WDR73: variants seen among roughly 807,000 people sequenced by gnomAD.
WDR73 encodes the protein WD repeat domain 73.
A neutral mutation model predicts 38.2 loss-of-function variants in WDR73; 30 were observed. The ratio of observed to expected loss-of-function variants is 0.79; its 90% CI spans 0.59 to 1.06. The LOEUF is 1.06. Among genes scored for constraint, WDR73 ranks in the 50% least tolerant of loss-of-function variants. The probability of loss-of-function intolerance (pLI) is 0.00; values close to 1 mark genes in which losing one functional copy is unlikely to be tolerated. For synonymous variants in WDR73, 197 were observed against 176.0 expected, an observed-to-expected ratio of 1.12 and a Z score of -0.94; for missense variants, 487 against 467.0, an observed-to-expected ratio of 1.04 and a Z score of -0.40.
intron 2 of WDR73, chr15:84,653,427 C>T (rs1896685334): frequency 2.1e-6 from 1 of 481,430 alleles, no homozygotes; most frequent in Admixed American, 3.3e-5. Context: ...GCCTCGGCCT[C>T]CCAAAGTGCT....
At position 84,652,697 on chromosome 15, in the gene WDR73, T is replaced by A; in HGVS notation, c.198+17A>T. The A allele has an allele frequency of 7.2e-7, 1 of 1,386,172 alleles. No homozygotes were observed. The allele number at this position is 1,386,172 out of a possible 1,614,324, so 85.9% of individuals were successfully genotyped here. A position where few individuals can be genotyped will look rare whatever the true frequency, so the allele number is the denominator to read the frequency against. On this transcript the variant is annotated intron_variant, in intron 3 of 7. Coordinates refer to ENST00000434634, the MANE Select transcript of WDR73 (RefSeq NM_032856.5). ...TAAATAAAAGTTGACATACTCAGCA[T>A]TTATATTTTAAGTTACCTTGTTTTC...
intron 7 of WDR73, chr15:84,643,947 G>A: frequency 2.2e-6 from 1 of 454,842 alleles, no homozygotes; most frequent in Non-Finnish European, 3.8e-6. Context: ...ACCAAAACAG[G>A]CTATTGGATG....
chr15:84,650,408 C>G lies in WDR73; in HGVS notation c.199-1783G>C, dbSNP rs113938263. 9.7e-3 allele frequency among the ~76,000 whole-genome samples: 1,475 copies of G among 151,946 alleles called. 29 individuals are homozygous for G. Among genetic ancestry groups the G allele is most frequent in the African/African-American group, 0.034 (1,414 of 41,406 alleles). On this transcript the variant is annotated intron_variant, in intron 3 of 7. Transcript: ENST00000434634. Reference sequence around the variant, plus strand: ...ACGGAGTCTCACTCTGTCACCCAGGCTGGATGCAGTGGCTTGATGTTGGCT... The same window carrying G: ...ACGGAGTCTCACTCTGTCACCCAGGGTGGATGCAGTGGCTTGATGTTGGCT...
At position 84,643,204 on chromosome 15, in the gene WDR73, C is replaced by T; in HGVS notation, c.*266G>A. The T allele has an allele frequency of 2.1e-6, 1 of 483,062 alleles. No homozygotes were observed. The highest frequency in any genetic ancestry group is 2.8e-5 in the South Asian group (1 of 36,278). 29.9% of individuals were successfully genotyped at this position (483,062 alleles called of 1,614,324 possible). A position where few individuals can be genotyped will look rare whatever the true frequency, so the allele number is the denominator to read the frequency against. On this transcript the variant is annotated 3_prime_UTR_variant, in exon 8 of 8. Transcript: ENST00000434634. The stretch of plus-strand genomic sequence containing the variant: ...ATAGTGTGAAGACAGGGACAAAACG[C>T]TACCATTTCACACTCCCAGATCTAA...
chr15:84,645,881 G>C (rs1203927335), intron 6 of WDR73, 45 bp from the exon 7 acceptor site: 1 of 1,611,302 alleles, frequency 6.2e-7, no homozygotes, highest in Non-Finnish European at 8.5e-7. Context: ...GAGGCAGATG[G>C]GTCTGGCAAT....
At chr15:84,648,515 T>C in intron 4 of WDR73, 22 bp downstream of exon 4, 1 of 1,590,632 alleles carries the variant, frequency 6.3e-7, no homozygotes, top group Non-Finnish European at 8.6e-7. Context: ...TGTGGATGGC[T>C]GGATCACAAA....
At chr15:84,653,575 T>G (rs1896690780) in intron 2 of WDR73, 57 bp downstream of exon 2, 2 of 1,444,976 alleles carry the variant, frequency 1.4e-6, no homozygotes, top group Admixed American at 3.9e-5. Context: ...GCTTAGCTCC[T>G]GAAACCCAGC....
rs1469545884 is a variant in WDR73, at chr15:84,642,833, TCAAG to T, written c.*633_*636del. The T allele has an allele frequency of 6.6e-6, 1 of 152,038 alleles. No individual in the cohort carries two copies. Among genetic ancestry groups the T allele is most frequent in the Non-Finnish European group, 1.5e-5 (1 of 68,198 alleles). 9.4% of individuals were successfully genotyped at this position (152,038 alleles called of 1,614,324 possible). ...CCAGGCTGGTCTCAAACTCCTCAGC[TCAAG>T]CAATCTGCCCACCTCAGCCTCTGAA... On this transcript the variant is annotated 3_prime_UTR_variant, in exon 8 of 8. Transcript: ENST00000434634.
At chr15:84,646,078 C>G (rs1162229867) in intron 6 of WDR73, 106 bp downstream of exon 6, 1 of 1,569,618 alleles carries the variant, frequency 6.4e-7, no homozygotes, top group Non-Finnish European at 8.6e-7. Flanking sequence ...ACTGTGTATC[C>G]CCAACACCTG....
chr15:84,645,169 C>A, intron 7 of WDR73: 3 of 1,233,844 alleles, frequency 2.4e-6, no homozygotes, highest in South Asian at 3.5e-5. Flanking sequence ...CCACTGTCCC[C>A]TTTTCTTTCT....
chr15:84,654,106 G>T, intron 1 of WDR73, 128 bp downstream of exon 1: 1 of 1,267,260 alleles, frequency 7.9e-7, no homozygotes, highest in Non-Finnish European at 1.1e-6. Flanking sequence ...GTCCTCCACG[G>T]TGGCGAGCCC....
chr15:84,643,422 A>C lies in WDR73; in HGVS notation c.*48T>G. 1.3e-6 allele frequency: 2 copies of C among 1,540,730 alleles called. No homozygotes were observed. Among genetic ancestry groups the C allele is most frequent in the Non-Finnish European group, 1.8e-6 (2 of 1,141,422 alleles). Reference sequence around the variant, plus strand: ...GTCCTACATGAGCACCCTTGCTACTACAGCAGCTCCTCCCCTTTCTAGAGG... The same window carrying C: ...GTCCTACATGAGCACCCTTGCTACTCCAGCAGCTCCTCCCCTTTCTAGAGG... On this transcript the variant is annotated 3_prime_UTR_variant, in exon 8 of 8. Transcript: ENST00000434634.
At chr15:84,654,065 T>C (rs1596057979) in intron 1 of WDR73, 169 bp downstream of exon 1, 1 of 863,784 alleles carries the variant, frequency 1.2e-6, no homozygotes, top group East Asian at 2.5e-5. Flanking sequence ...AGGAGCCATT[T>C]CCTAGAGATG....
chr15:84,647,745 G>T, intron 5 of WDR73, 145 bp downstream of exon 5: 1 of 753,318 alleles, frequency 1.3e-6, no homozygotes, highest in Non-Finnish European at 2.3e-6. Context: ...GATCCACCCA[G>T]CTCAGCCTCC....
chr15:84,652,872 T>G, intron 2 of WDR73, 70 bp from the exon 3 acceptor site: 3 of 901,352 alleles, frequency 3.3e-6, no homozygotes, highest in Non-Finnish European at 3.4e-6. Context: ...TCCCCCGAAG[T>G]AAGGATACAT....
rs1209453993 is a variant in WDR73, at chr15:84,642,489, CAG to C, written c.*979_*980del. On this transcript the variant is annotated 3_prime_UTR_variant, in exon 8 of 8. Coordinates refer to ENST00000434634, the MANE Select transcript of WDR73 (RefSeq NM_032856.5). ...ATCTATTTTGTGTGTGTGTGTGTAA[CAG>C]GGTCTCATTCTGTTGCCCAGGCTGG... 5 of 151,980 alleles carry C rather than the reference CAG, an allele frequency of 3.3e-5. No homozygotes were observed. The highest frequency in any genetic ancestry group is 1.2e-4 in the African/African-American group (5 of 41,360). 9.4% of individuals were successfully genotyped at this position (151,980 alleles called of 1,614,324 possible). A position where few individuals can be genotyped will look rare whatever the true frequency, so the allele number is the denominator to read the frequency against.
chr15:84,645,070 C>T (rs1285506353), intron 7 of WDR73: 3 of 421,018 alleles, frequency 7.1e-6, no homozygotes, highest in African/African-American at 4.1e-5. Context: ...TCTGCCTCAG[C>T]CTCCTAAGTA....
At position 84,642,123 on chromosome 15, in the gene WDR73, C is replaced by T. The variant is rs994378821; in HGVS notation, c.*1347G>A. 3.3e-5 allele frequency: 5 copies of T among 152,126 alleles called. No individual in the cohort carries two copies. The highest frequency in any genetic ancestry group is 5.9e-5 in the Non-Finnish European group (4 of 68,048). 9.4% of individuals were successfully genotyped at this position (152,126 alleles called of 1,614,324 possible). ...TCGGGAGGCCGAGGTGGGTAGATCA[C>T]AAGGTCAAGAGATCAAGACCATTCT... On this transcript the variant is annotated 3_prime_UTR_variant, in exon 8 of 8. Transcript: ENST00000434634.
intron 7 of WDR73, 100 bp from the exon 8 acceptor site, chr15:84,643,823 AC>A: frequency 7.3e-7 from 1 of 1,373,256 alleles, no homozygotes; most frequent in Non-Finnish European, 9.6e-7. Context: ...CACCATGTTG[AC>A]CAGGATGGTC....
Sources: gnomAD v4.1 joint callset for allele counts (sites outside exome capture counted in the v4.1 genomes callset) on GRCh38, gnomAD v4.1.1 for gene constraint, MANE v1.5 for transcripts, NCBI Gene and HGNC (gene_info 2026-07-23, HGNC 2026-07-21) for gene names.